The following PPP1R1C variants were observed in gnomAD, a reference collection of about 807,000 sequenced individuals.
PPP1R1C encodes protein phosphatase 1 regulatory inhibitor subunit 1C.
Under a neutral mutation model 17.4 loss-of-function variants are expected in PPP1R1C, and 15 were observed. The ratio of observed to expected loss-of-function variants is 0.86; its 90% confidence interval spans 0.58 to 1.33. PPP1R1C has a LOEUF of 1.33. Among genes scored for constraint, PPP1R1C ranks in the 40% most tolerant of loss-of-function variants. PPP1R1C has a pLI of 0.00. For synonymous variants in PPP1R1C, 35 were observed against 43.1 expected, an observed-to-expected ratio of 0.81 and a Z score of 0.73; for missense variants, 143 against 130.0, an observed-to-expected ratio of 1.10 and a Z score of -0.48.
At chr2:182,121,745 G>T (rs574738682), downstream of PPP1R1C, among the ~76,000 whole-genome samples, 5 of 151,592 alleles carry the variant, frequency 3.3e-5, no homozygotes, top group Admixed American at 6.6e-5. Flanking sequence ...CTCATAATCC[G>T]CCCGCCTCAG....
intron 4 of PPP1R1C, among the ~76,000 whole-genome samples, chr2:182,083,490 C>T (rs939481563): frequency 6.6e-6 from 1 of 152,166 alleles, no homozygotes; most frequent in East Asian, 1.9e-4. Context: ...GCTTAGCTCC[C>T]TCTTGTAATC....
At chr2:182,084,911 G>A (rs1298224792) in intron 4 of PPP1R1C, among the ~76,000 whole-genome samples, 7 of 151,896 alleles carry the variant, frequency 4.6e-5, no homozygotes, top group African/African-American at 7.3e-5. Context: ...CCATTTGTTC[G>A]TGTCACCTAT....
At chr2:182,068,740 A>T (rs970110317) in intron 4 of PPP1R1C, among the ~76,000 whole-genome samples, 1 of 152,224 alleles carries the variant, frequency 6.6e-6, no homozygotes, top group African/African-American at 2.4e-5. Flanking sequence ...TTGAAAAACA[A>T]AATGATAGCT....
chr2:182,033,791 G>A (rs531950455), intron 2 of PPP1R1C, among the ~76,000 whole-genome samples: 1 of 152,062 alleles, frequency 6.6e-6, no homozygotes, highest in Admixed American at 6.6e-5. Context: ...AAGCTCATTT[G>A]TGTGATATTA....
At chr2:182,091,335 T>C (rs960372097) in intron 4 of PPP1R1C, among the ~76,000 whole-genome samples, 16 of 152,136 alleles carry the variant, frequency 1.1e-4, no homozygotes, top group African/African-American at 3.4e-4. Context: ...GAAACACTAG[T>C]TGGGTTAAGT....
Position 181,961,221 on chromosome 2 carries a change from T to A in PPP1R1C, n.111+6587T>A. On this transcript the variant is annotated intron_variant and non_coding_transcript_variant, in intron 1 of 5. Transcript: ENST00000464264. This position sits in a 1 kb window ranked among gnomAD's most constrained non-coding sequence, Gnocchi z 5.8. ...CTGCTGGCTTGATGTCTTAGAACTT[T>A]GGTGTCATTGGTCTCAGACACCACT... 1.1e-6 allele frequency: 1 copy of A among 884,424 alleles called. No homozygotes were observed. Among genetic ancestry groups the A allele is most frequent in the Non-Finnish European group, 1.9e-6 (1 of 535,198 alleles). 54.8% of individuals were successfully genotyped at this position (884,424 alleles called of 1,614,324 possible). A position where few individuals can be genotyped will look rare whatever the true frequency, so the allele number is the denominator to read the frequency against.
At chr2:182,041,390 C>T (rs1050036250) in intron 2 of PPP1R1C, among the ~76,000 whole-genome samples, 4 of 152,100 alleles carry the variant, frequency 2.6e-5, no homozygotes, top group Non-Finnish European at 5.9e-5. Context: ...GGGTGGATCA[C>T]CTGAGGTCAG....
chr2:182,013,166 T>C (rs1415666721), intron 2 of PPP1R1C, among the ~76,000 whole-genome samples: 1 of 152,162 alleles, frequency 6.6e-6, no homozygotes. Flanking sequence ...AATGTTCTTT[T>C]CTTTCAGACT....
At chr2:182,030,479 A>G (rs373731624) in intron 2 of PPP1R1C, among the ~76,000 whole-genome samples, 205 of 150,300 alleles carry the variant, frequency 1.4e-3, no homozygotes, top group South Asian at 3.0e-3. Context: ...GCCGTGTGAG[A>G]TGTCAGTGTG....
At chr2:181,977,002 G>C (rs1352819401) in intron 2 of PPP1R1C, among the ~76,000 whole-genome samples, 1 of 151,526 alleles carries the variant, frequency 6.6e-6, no homozygotes, top group East Asian at 1.9e-4. Context: ...GCTTGGCATG[G>C]TGACACATGC....
At chr2:182,119,262 T>C (rs1473986354), downstream of PPP1R1C, among the ~76,000 whole-genome samples, 2 of 152,204 alleles carry the variant, frequency 1.3e-5, no homozygotes, top group East Asian at 3.9e-4. Context: ...TGCATAGTAT[T>C]CCATGGTGTA....
At chr2:182,085,103 A>T (rs1688587863) in intron 4 of PPP1R1C, among the ~76,000 whole-genome samples, 1 of 151,892 alleles carries the variant, frequency 6.6e-6, no homozygotes, top group Non-Finnish European at 1.5e-5. Flanking sequence ...TCATATAGTG[A>T]TACTGATTTG....
At chr2:182,076,131 A>G (rs1469011130) in intron 4 of PPP1R1C, among the ~76,000 whole-genome samples, 1 of 145,582 alleles carries the variant, frequency 6.9e-6, no homozygotes, top group Non-Finnish European at 1.5e-5. Flanking sequence ...TGGATCTTTT[A>G]GAACAGTTCT....
intron 1 of PPP1R1C, among the ~76,000 whole-genome samples, chr2:181,958,834 A>G (rs1189107848): frequency 6.6e-6 from 1 of 152,220 alleles, no homozygotes; most frequent in Non-Finnish European, 1.5e-5. Context: ...GCTGTGGAGT[A>G]TTCAATTATA....
Position 181,986,073 on chromosome 2 carries a change from T to C in PPP1R1C, c.-38T>C, listed in dbSNP as rs1238726869. On this transcript the variant is annotated 5_prime_UTR_variant, in exon 1 of 5. Transcript: ENST00000682840. ...GGACACCACTTAGGGTTAGTCTTTC[T>C]GAGCTCTTCACATCTCTGACTAATT... 1.6e-5 allele frequency: 25 copies of C among 1,539,896 alleles called. No homozygotes were observed. The highest frequency in any genetic ancestry group is 1.7e-4 in the Middle Eastern group (1 of 5,950).
At chr2:182,002,987 G>C (rs1360552105) in intron 2 of PPP1R1C, among the ~76,000 whole-genome samples, 3 of 135,452 alleles carry the variant, frequency 2.2e-5, no homozygotes, top group Admixed American at 8.7e-5. Flanking sequence ...TATATTGGGA[G>C]AAAATTGACC....
chr2:182,060,027 C>A (rs575928521), intron 2 of PPP1R1C, among the ~76,000 whole-genome samples: 25 of 152,022 alleles, frequency 1.6e-4, no homozygotes, highest in Middle Eastern at 3.4e-3. Context: ...AATGTGATAG[C>A]AAAAAATAGT....
chr2:182,076,181 CTTTTTTTTTTCTTTTCTTTTT>C (rs1688293335), intron 4 of PPP1R1C, among the ~76,000 whole-genome samples: 4 of 47,486 alleles, frequency 8.4e-5, no homozygotes, highest in African/African-American at 2.6e-4. Context: ...GGATTTTGAA[CTTTTTTTTTTCTTTTCTTTTT>C]TTTTTTTTTT....
At chr2:182,101,766 C>T (rs1009991840) in intron 4 of PPP1R1C, among the ~76,000 whole-genome samples, 8 of 152,150 alleles carry the variant, frequency 5.3e-5, no homozygotes, top group African/African-American at 1.9e-4. Context: ...AAGTTCTTTC[C>T]ACCCTAAAAA....
Sources: gnomAD v4.1 joint callset for allele counts (sites outside exome capture counted in the v4.1 genomes callset) on GRCh38, gnomAD v4.1.1 for gene constraint, Gnocchi (gnomAD v3.1) non-coding constraint, MANE v1.5 for transcripts, NCBI Gene and HGNC (gene_info 2026-07-23, HGNC 2026-07-21) for gene names.